Variants in CNTNAP2 observed in about 807,000 individuals in gnomAD.
CNTNAP2 encodes the protein contactin associated protein 2.
Under a neutral mutation model 155.2 loss-of-function variants are expected in CNTNAP2, and 98 were observed. The observed-to-expected ratio is 0.63, with a 90% confidence interval of 0.54 to 0.75. The LOEUF (loss-of-function observed/expected upper bound fraction) is 0.75, where lower values mean the gene tolerates loss of function less well. Among genes scored for constraint, CNTNAP2 ranks in the 30% least tolerant of loss-of-function variants. The pLI, the probability that CNTNAP2 is intolerant of heterozygous loss-of-function variation, is 0.00. For missense variants in CNTNAP2, 1,727 were observed against 1,688.1 expected, an observed-to-expected ratio of 1.02 and a Z score of -0.40; for synonymous variants, 651 against 631.2, an observed-to-expected ratio of 1.03 and a Z score of -0.47.
At chr7:146,413,908 A>T (rs1022979632) in intron 1 of CNTNAP2, among the ~76,000 whole-genome samples, 2 of 152,144 alleles carry the variant, frequency 1.3e-5, no homozygotes, top group African/African-American at 2.4e-5. Flanking sequence ...CACTCCTCTC[A>T]GCATTAGTGG....
At chr7:146,336,461 A>T (rs2129095802) in intron 1 of CNTNAP2, among the ~76,000 whole-genome samples, 1 of 152,280 alleles carries the variant, frequency 6.6e-6, no homozygotes, top group South Asian at 2.1e-4. Flanking sequence ...TTTAGAATAT[A>T]ACATCGAGGC....
intron 1 of CNTNAP2, among the ~76,000 whole-genome samples, chr7:146,196,761 C>T (rs1187075481): frequency 1.3e-5 from 2 of 152,060 alleles, no homozygotes; most frequent in African/African-American, 4.8e-5. Context: ...TATATATTCA[C>T]ATAGAAAGAA....
chr7:146,246,634 A>G lies in CNTNAP2; in HGVS notation c.97+129661A>G, dbSNP rs552948218. 1.8e-3 allele frequency among the ~76,000 whole-genome samples: 270 copies of G among 149,498 alleles called. 6 individuals carry two copies. The highest frequency in any genetic ancestry group is 6.3e-3 in the African/African-American group (246 of 38,960). On this transcript the variant is annotated intron_variant, in intron 1 of 23. Coordinates refer to ENST00000361727, the MANE Select transcript of CNTNAP2 (RefSeq NM_014141.6). ...TCTAGGGGGCTTCCGAGGCGATCCGACAGCATCAGTCTTCAGCCGCTAAGC... is the reference window on the plus strand; with the variant it reads ...TCTAGGGGGCTTCCGAGGCGATCCGGCAGCATCAGTCTTCAGCCGCTAAGC...
chr7:146,467,097 C>A (rs1488205330), intron 1 of CNTNAP2, among the ~76,000 whole-genome samples: 3 of 152,074 alleles, frequency 2.0e-5, no homozygotes, highest in African/African-American at 7.2e-5. Flanking sequence ...ATATGAAAGA[C>A]TTCCATCATT....
chr7:147,050,646 A>G (rs1382051187), intron 4 of CNTNAP2, among the ~76,000 whole-genome samples: 1 of 152,216 alleles, frequency 6.6e-6, no homozygotes, highest in Non-Finnish European at 1.5e-5. Flanking sequence ...TTCTAGGGTC[A>G]CACACTAACT....
At chr7:148,371,950 C>T (rs1010129420) in intron 21 of CNTNAP2, among the ~76,000 whole-genome samples, 4 of 151,444 alleles carry the variant, frequency 2.6e-5, no homozygotes, top group Non-Finnish European at 4.4e-5. Context: ...CCTGTAATCC[C>T]GGCACTTTGG....
chr7:147,682,642 C>T (rs1463768779), intron 13 of CNTNAP2, among the ~76,000 whole-genome samples: 2 of 151,832 alleles, frequency 1.3e-5, no homozygotes, highest in East Asian at 3.9e-4. Flanking sequence ...GGGACTCTTA[C>T]ATTTACAGCT....
chr7:146,121,671 A>C (rs1797565289), intron 1 of CNTNAP2, among the ~76,000 whole-genome samples: 1 of 152,210 alleles, frequency 6.6e-6, no homozygotes, highest in Non-Finnish European at 1.5e-5. Context: ...GTGTTGTGTG[A>C]AATAAAATAA....
intron 1 of CNTNAP2, among the ~76,000 whole-genome samples, chr7:146,765,461 G>A (rs369860375): frequency 2.0e-5 from 3 of 152,312 alleles, no homozygotes; most frequent in African/African-American, 7.2e-5. Flanking sequence ...AAACTAGGAA[G>A]CACTTTGCCT....
intron 1 of CNTNAP2, among the ~76,000 whole-genome samples, chr7:146,301,277 A>T (rs894011026): frequency 6.6e-6 from 1 of 152,246 alleles, no homozygotes; most frequent in East Asian, 1.9e-4. Flanking sequence ...AGAAAAGAAG[A>T]CTATTCCATA....
At chr7:147,104,256 C>T (rs890535935) in intron 4 of CNTNAP2, among the ~76,000 whole-genome samples, 4 of 151,838 alleles carry the variant, frequency 2.6e-5, no homozygotes, top group African/African-American at 9.7e-5. Context: ...AAACTTCCAC[C>T]ACAATTTTTA....
At chr7:147,486,166 G>A in intron 11 of CNTNAP2, 125 bp downstream of exon 11, 7 of 672,882 alleles carry the variant, frequency 1.0e-5, no homozygotes, top group South Asian at 4.2e-5. Flanking sequence ...GAAAAACCAA[G>A]ATTCCAATTG....
chr7:146,397,871 C>CTTTTTTTTTTTTTTTTTTTTTTT lies in CNTNAP2; in HGVS notation c.97+280902_97+280903insTTTTTTTTTTTTTTTTTTTTTTT, dbSNP rs1438446898. On this transcript the variant is annotated intron_variant, in intron 1 of 23. Transcript: ENST00000361727. ...ATTTTGTATACCAAAATTTGACAGG[C>CTTTTTTTTTTTTTTTTTTTTTTT]TTTTATTTATTTATTTATTTTTGAC... Among the ~76,000 whole-genome samples, 4 of 126,916 alleles carry CTTTTTTTTTTTTTTTTTTTTTTT rather than the reference C, an allele frequency of 3.2e-5. 1 individual carries two copies. The highest frequency in any genetic ancestry group is 3.4e-5 in the African/African-American group (1 of 29,478). 83.3% of individuals were successfully genotyped at this position (126,916 alleles called of 152,430 possible).
chr7:146,695,522 C>A lies in CNTNAP2; in HGVS notation c.98-78749C>A, dbSNP rs1587047. The stretch of plus-strand genomic sequence containing the variant: ...CTCTACCTCCCTGGCTCAGGTGATT[C>A]TCCCACCTCAGCCTCCCATGCAGAA... On this transcript the variant is annotated intron_variant, in intron 1 of 23. Transcript: ENST00000361727. 9.3e-4 allele frequency among the ~76,000 whole-genome samples: 141 copies of A among 152,230 alleles called. 1 individual carries two copies. Among genetic ancestry groups the A allele is most frequent in the African/African-American group, 3.2e-3 (131 of 41,552 alleles).
intron 8 of CNTNAP2, among the ~76,000 whole-genome samples, chr7:147,211,998 T>C (rs1042443844): frequency 1.4e-4 from 21 of 151,892 alleles, no homozygotes; most frequent in African/African-American, 5.1e-4. Flanking sequence ...GTGCAAAAAT[T>C]CTCGACATCA....
At chr7:146,476,169 T>C (rs1796874610) in intron 1 of CNTNAP2, among the ~76,000 whole-genome samples, 1 of 152,184 alleles carries the variant, frequency 6.6e-6, no homozygotes, top group African/African-American at 2.4e-5. Flanking sequence ...CACCTTTATT[T>C]TTCTCTCTTT....
intron 1 of CNTNAP2, among the ~76,000 whole-genome samples, chr7:146,300,998 C>G (rs1374101818): frequency 6.6e-6 from 1 of 152,126 alleles, no homozygotes; most frequent in Non-Finnish European, 1.5e-5. Flanking sequence ...GATTAGCTTT[C>G]ACCTGAATTT....
At chr7:146,843,532 C>T (rs1352345039) in intron 3 of CNTNAP2, among the ~76,000 whole-genome samples, 1 of 151,086 alleles carries the variant, frequency 6.6e-6, no homozygotes, top group East Asian at 1.9e-4. Context: ...TACCAGTAAG[C>T]CTGCCACATA....
chr7:146,535,869 C>T (rs1797861297), intron 1 of CNTNAP2, among the ~76,000 whole-genome samples: 1 of 152,068 alleles, frequency 6.6e-6, no homozygotes, highest in African/African-American at 2.4e-5. Context: ...GTATTCCCTA[C>T]TTTATGATCA....
Sources: allele counts gnomAD v4.1 joint callset (sites outside exome capture counted in the v4.1 genomes callset), GRCh38; gene constraint gnomAD v4.1.1; transcripts MANE v1.5; gene names NCBI Gene and HGNC (gene_info 2026-07-23, HGNC 2026-07-21).